Variants in UNC79 observed in about 807,000 individuals in gnomAD.
The protein encoded by UNC79 is protein unc-79 homolog.
A neutral mutation model predicts 283.1 loss-of-function variants in UNC79; 37 were observed. The ratio of observed to expected loss-of-function variants is 0.13; its 90% CI spans 0.10 to 0.17. The LOEUF is 0.17. UNC79 is among the 10% of genes least tolerant of loss of function. The pLI, the probability that UNC79 is intolerant of heterozygous loss-of-function variation, is 1.00. For missense variants in UNC79, 2,272 were observed against 3,211.1 expected, an observed-to-expected ratio of 0.71 and a Z score of 7.07; for synonymous variants, 1,107 against 1,200.2, an observed-to-expected ratio of 0.92 and a Z score of 1.61.
At chr14:93,564,879 T>G (rs1319876243) in intron 14 of UNC79, among the ~76,000 whole-genome samples, 1 of 152,208 alleles carries the variant, frequency 6.6e-6, no homozygotes, top group Non-Finnish European at 1.5e-5. Context: ...TTTTCACTTC[T>G]TTTTTAATTT....
chr14:93,560,834 G>C (rs1238688929), intron 14 of UNC79, among the ~76,000 whole-genome samples: 1 of 152,128 alleles, frequency 6.6e-6, no homozygotes, highest in Admixed American at 6.5e-5. Flanking sequence ...CAGACTCCTA[G>C]GGATCCAGCT....
At chr14:93,414,055 G>T (rs1424549167) in intron 1 of UNC79, among the ~76,000 whole-genome samples, 6 of 151,970 alleles carry the variant, frequency 3.9e-5, no homozygotes, top group African/African-American at 1.5e-4. Context: ...GTCAATTTTG[G>T]CTTTTGTTGC....
At chr14:93,380,246 G>A (rs1325254670) in intron 1 of UNC79, among the ~76,000 whole-genome samples, 3 of 152,144 alleles carry the variant, frequency 2.0e-5, no homozygotes, top group East Asian at 1.9e-4. Context: ...CAAAGTCAGA[G>A]TAAACATTTT....
chr14:93,688,956 C>A lies in UNC79; in HGVS notation c.7085+116C>A. On this transcript the variant is annotated intron_variant, in intron 44 of 48. Transcript: ENST00000555664. This position sits in a 1 kb window ranked among gnomAD's most constrained non-coding sequence, Gnocchi z 4.0. ...CGAAGATTTATGACAGTGGAATATACTTGGTTAGGAAGATGGAAATCAGAT... is the reference window on the plus strand; with the variant it reads ...CGAAGATTTATGACAGTGGAATATAATTGGTTAGGAAGATGGAAATCAGAT... The A allele has an allele frequency of 8.6e-7, 1 of 1,164,162 alleles. No individual in the cohort carries two copies. Among genetic ancestry groups the A allele is most frequent in the Non-Finnish European group, 1.2e-6 (1 of 857,418 alleles). 72.1% of individuals were successfully genotyped at this position (1,164,162 alleles called of 1,614,324 possible).
At chr14:93,543,825 C>T (rs1292150031) in intron 14 of UNC79, among the ~76,000 whole-genome samples, 1 of 152,116 alleles carries the variant, frequency 6.6e-6, no homozygotes, top group Non-Finnish European at 1.5e-5. Flanking sequence ...GATCTTGAGG[C>T]AGTTTTCAGT....
At chr14:93,517,251 C>T (rs2060108290) in intron 7 of UNC79, among the ~76,000 whole-genome samples, 1 of 145,168 alleles carries the variant, frequency 6.9e-6, no homozygotes, top group Non-Finnish European at 1.5e-5. Context: ...CTTTCTCTTT[C>T]TTTTTCTCCT....
chr14:93,346,542 CCAAA>C (rs2139895337), intron 1 of UNC79, among the ~76,000 whole-genome samples: 1 of 152,276 alleles, frequency 6.6e-6, no homozygotes, highest in Non-Finnish European at 1.5e-5. Context: ...TCTACTGGGT[CCAAA>C]CACTCTATTT....
chr14:93,378,663 T>G (rs205319), intron 1 of UNC79, among the ~76,000 whole-genome samples: 80,752 of 151,992 alleles, frequency 0.53, 22,214 homozygotes, highest in Admixed American at 0.68. Flanking sequence ...TAGCTCTATT[T>G]TAATTGCAGC....
Position 93,684,285 on chromosome 14 carries a change from A to G in UNC79, c.6819+1591A>G, listed in dbSNP as rs906951782. Among the ~76,000 whole-genome samples, 5 of 152,344 alleles carry G rather than the reference A, an allele frequency of 3.3e-5. No homozygotes were observed. In the Middle Eastern group the frequency reaches 0.014, roughly 415 times the overall value. ...AGCATTCTTGTAAGCCACTAGTGGTAGTAAAACCAACCTTGCTGGAGGGCA... is the reference window on the plus strand; with the variant it reads ...AGCATTCTTGTAAGCCACTAGTGGTGGTAAAACCAACCTTGCTGGAGGGCA... On this transcript the variant is annotated intron_variant, in intron 42 of 48. Transcript: ENST00000555664.
chr14:93,381,328 G>T (rs1489414746), intron 1 of UNC79, among the ~76,000 whole-genome samples: 5 of 152,216 alleles, frequency 3.3e-5, no homozygotes, highest in Non-Finnish European at 7.3e-5. Flanking sequence ...CCCAGAAGGA[G>T]TGTGGGTGCT....
chr14:93,496,169 A>T (rs1213982735), intron 5 of UNC79, among the ~76,000 whole-genome samples: 1 of 152,190 alleles, frequency 6.6e-6, no homozygotes, highest in Non-Finnish European at 1.5e-5. Flanking sequence ...TACCGACATT[A>T]AAAATATTTC....
intron 5 of UNC79, 147 bp downstream of exon 5, chr14:93,487,902 T>C: frequency 3.0e-6 from 2 of 658,604 alleles, no homozygotes; most frequent in Non-Finnish European, 4.9e-6. Flanking sequence ...TCAATTTATC[T>C]TGCCTATTGC....
chr14:93,354,585 C>T (rs1336579034), intron 1 of UNC79, among the ~76,000 whole-genome samples: 2 of 152,214 alleles, frequency 1.3e-5, no homozygotes, highest in African/African-American at 4.8e-5. Context: ...GTACCCTTGA[C>T]ATCCTGGTCT....
At chr14:93,437,822 C>T (rs2056145717) in intron 1 of UNC79, among the ~76,000 whole-genome samples, 1 of 152,122 alleles carries the variant, frequency 6.6e-6, no homozygotes, top group Admixed American at 6.5e-5. Flanking sequence ...CCTCTCTCTC[C>T]TTCCTCTTAT....
intron 5 of UNC79, among the ~76,000 whole-genome samples, chr14:93,495,390 C>T (rs148166924): frequency 2.0e-4 from 30 of 152,248 alleles, no homozygotes; most frequent in East Asian, 9.7e-4. Flanking sequence ...CTCACTATCA[C>T]GGGAACAGCA....
chr14:93,547,991 A>G (rs12434217), intron 14 of UNC79, among the ~76,000 whole-genome samples: 90,636 of 151,902 alleles, frequency 0.6, 27,661 homozygotes, highest in Admixed American at 0.68. Flanking sequence ...TGTCTCAAAA[A>G]AACAAACAAC....
chr14:93,673,286 T>G, intron 40 of UNC79, 65 bp from the exon 44 acceptor site: 2 of 1,441,580 alleles, frequency 1.4e-6, no homozygotes, highest in South Asian at 1.3e-5. Context: ...GAAGCTCTTT[T>G]GACATGGATA....
intron 5 of UNC79, among the ~76,000 whole-genome samples, chr14:93,494,622 A>G (rs944131509): frequency 2.0e-5 from 3 of 152,174 alleles, no homozygotes; most frequent in Non-Finnish European, 4.4e-5. Flanking sequence ...TTGCATATAG[A>G]TGGCTGCTGA....
chr14:93,478,984 T>A (rs1217996495), intron 4 of UNC79, among the ~76,000 whole-genome samples: 1 of 152,222 alleles, frequency 6.6e-6, no homozygotes, highest in Non-Finnish European at 1.5e-5. Flanking sequence ...TCAAAAAAAT[T>A]AGCAGACTGA....
Sources: allele counts gnomAD v4.1 joint callset (sites outside exome capture counted in the v4.1 genomes callset), GRCh38; gene constraint gnomAD v4.1.1; non-coding constraint Gnocchi (gnomAD v3.1); transcripts MANE v1.5; gene names NCBI Gene and HGNC (gene_info 2026-07-23, HGNC 2026-07-21).